The following BCAR3 variants were observed in gnomAD, a reference collection of about 807,000 sequenced individuals.
The protein encoded by BCAR3 is BCAR3 adaptor protein, NSP family member, also known as breast cancer anti-estrogen resistance protein 3.
Under a neutral mutation model 80.1 loss-of-function variants are expected in BCAR3, and 37 were observed. The observed-to-expected ratio is 0.46, with a 90% CI of 0.36 to 0.61. The LOEUF (loss-of-function observed/expected upper bound fraction) is 0.61, where lower values mean the gene tolerates loss of function less well. Ranked by LOEUF, BCAR3 falls within the 20% of genes least tolerant of loss-of-function variation. BCAR3 has a pLI of 0.00. For missense variants in BCAR3, 978 were observed against 1,068.2 expected, an observed-to-expected ratio of 0.92 and a Z score of 1.18; for synonymous variants, 389 against 418.9, an observed-to-expected ratio of 0.93 and a Z score of 0.87.
intron 2 of BCAR3, among the ~76,000 whole-genome samples, chr1:93,842,620 C>G (rs1308753455): frequency 6.6e-6 from 1 of 152,196 alleles, no homozygotes; most frequent in Non-Finnish European, 1.5e-5. Context: ...CCACTCCATT[C>G]TGCCTGCACA....
intron 2 of BCAR3, among the ~76,000 whole-genome samples, chr1:93,773,553 A>T (rs1557683682): frequency 6.6e-6 from 1 of 152,158 alleles, no homozygotes; most frequent in Non-Finnish European, 1.5e-5. Flanking sequence ...TTATTTCCAT[A>T]GCCCCATGAA....
chr1:93,577,316 TA>T (rs1673498851), intron 7 of BCAR3, among the ~76,000 whole-genome samples: 1 of 152,152 alleles, frequency 6.6e-6, no homozygotes, highest in Non-Finnish European at 1.5e-5. Context: ...CAACCTTAAT[TA>T]CCCCAGGCTA....
intron 3 of BCAR3, among the ~76,000 whole-genome samples, chr1:93,634,601 A>G (rs901564966): frequency 3.3e-5 from 5 of 152,002 alleles, no homozygotes; most frequent in African/African-American, 9.7e-5. Flanking sequence ...AAGCTGAGGG[A>G]GGAGAATTGC....
intron 2 of BCAR3, among the ~76,000 whole-genome samples, chr1:93,837,379 CACTT>C (rs1176141298): frequency 1.3e-5 from 2 of 152,146 alleles, no homozygotes; most frequent in East Asian, 3.8e-4. Context: ...GTGTTTCACT[CACTT>C]AGTTCAATGT....
Position 93,567,499 on chromosome 1 carries a change from A to G in BCAR3, c.2087-8T>C. 1 of 1,613,620 alleles carries G rather than the reference A, an allele frequency of 6.2e-7. No homozygotes were observed. Among genetic ancestry groups the G allele is most frequent in the African/African-American group, 1.3e-5 (1 of 74,994 alleles). Reference sequence around the variant, plus strand: ...GGGGAACACATGTGGACTCTGAAGAATAAGGAGTAGAGTTTTCCATATCAC... The same window carrying G: ...GGGGAACACATGTGGACTCTGAAGAGTAAGGAGTAGAGTTTTCCATATCAC... On this transcript the variant is annotated splice_polypyrimidine_tract_variant and splice_region_variant and intron_variant, in intron 10 of 11. Transcript: ENST00000260502.
intron 2 of BCAR3, among the ~76,000 whole-genome samples, chr1:93,790,760 G>C (rs1653123942): frequency 8.9e-6 from 1 of 112,452 alleles, no homozygotes; most frequent in Admixed American, 9.5e-5. Flanking sequence ...CCACTAACGT[G>C]TCATCTAGCA....
At chr1:93,719,234 T>C (rs896916797) in intron 2 of BCAR3, among the ~76,000 whole-genome samples, 3 of 152,138 alleles carry the variant, frequency 2.0e-5, no homozygotes, top group Non-Finnish European at 4.4e-5. Context: ...TAGCAAATGG[T>C]TGATGCTCCA....
At chr1:93,846,743 C>T in intron 1 of BCAR3, 1 of 396,682 alleles carries the variant, frequency 2.5e-6, no homozygotes, top group Non-Finnish European at 5.0e-6. Flanking sequence ...GTCGCGGGCC[C>T]CGGGCGCGCG....
intron 3 of BCAR3, among the ~76,000 whole-genome samples, chr1:93,615,499 T>C (rs888417160): frequency 2.6e-5 from 4 of 152,216 alleles, no homozygotes; most frequent in Non-Finnish European, 5.9e-5. Context: ...TCTCTGACTC[T>C]GGAGGTCTGG....
At chr1:93,842,262 C>G (rs1320244475) in intron 2 of BCAR3, among the ~76,000 whole-genome samples, 1 of 151,906 alleles carries the variant, frequency 6.6e-6, no homozygotes, top group East Asian at 1.9e-4. Context: ...AGCAGTCCTC[C>G]TGTCTCAGCC....
intron 1 of BCAR3, among the ~76,000 whole-genome samples, chr1:93,846,576 G>A (rs1655196132): frequency 1.3e-5 from 2 of 152,082 alleles, no homozygotes; most frequent in Non-Finnish European, 2.9e-5. Flanking sequence ...ACCCTTCTGG[G>A]CAGCGGCGCC....
chr1:93,722,326 C>T (rs1650434640), intron 2 of BCAR3, among the ~76,000 whole-genome samples: 1 of 152,206 alleles, frequency 6.6e-6, no homozygotes, highest in African/African-American at 2.4e-5. Context: ...TTTTAGGTAG[C>T]AGTCAAAATA....
At chr1:93,786,163 C>A (rs1377386142) in intron 2 of BCAR3, among the ~76,000 whole-genome samples, 2 of 99,294 alleles carry the variant, frequency 2.0e-5, no homozygotes, top group Admixed American at 1.3e-4. Context: ...ACTGCACTCC[C>A]GCCTGGGCGT....
chr1:93,607,914 G>C (rs567253820), intron 3 of BCAR3, among the ~76,000 whole-genome samples: 1 of 152,158 alleles, frequency 6.6e-6, no homozygotes, highest in Non-Finnish European at 1.5e-5. Context: ...GAGCTCCTTC[G>C]GGCGGAATGT....
At chr1:93,817,921 C>T (rs1281400724) in intron 2 of BCAR3, among the ~76,000 whole-genome samples, 2 of 152,168 alleles carry the variant, frequency 1.3e-5, no homozygotes, top group Non-Finnish European at 2.9e-5. Flanking sequence ...GCCCTCTTGG[C>T]TCTGCCAGTC....
intron 7 of BCAR3, among the ~76,000 whole-genome samples, chr1:93,577,698 G>A (rs1245525711): frequency 6.6e-6 from 1 of 152,194 alleles, no homozygotes; most frequent in Non-Finnish European, 1.5e-5. Context: ...CCAGACGCAC[G>A]CCATGCACGC....
chr1:93,632,752 T>A (rs879841710), intron 3 of BCAR3, among the ~76,000 whole-genome samples: 5 of 152,140 alleles, frequency 3.3e-5, no homozygotes, highest in Admixed American at 3.3e-4. Context: ...TTCTTTTGAT[T>A]TTTAAGAAGC....
At chr1:93,641,434 A>G (rs1201751444) in intron 3 of BCAR3, among the ~76,000 whole-genome samples, 1 of 152,254 alleles carries the variant, frequency 6.6e-6, no homozygotes, top group Admixed American at 6.5e-5. Flanking sequence ...CTCCCAAAAA[A>G]TAAGTATGTT....
At chr1:93,839,034 G>C (rs1425450601) in intron 2 of BCAR3, among the ~76,000 whole-genome samples, 1 of 152,220 alleles carries the variant, frequency 6.6e-6, no homozygotes, top group Non-Finnish European at 1.5e-5. Context: ...CAGGCGTGGT[G>C]GCTCACGCCT....
Sources: allele counts gnomAD v4.1 joint callset (sites outside exome capture counted in the v4.1 genomes callset), GRCh38; gene constraint gnomAD v4.1.1; transcripts MANE v1.5; gene names NCBI Gene and HGNC (gene_info 2026-07-23, HGNC 2026-07-21).